Variants in NELL1 observed in about 807,000 individuals in gnomAD.
The protein encoded by NELL1 is neural EGFL like 1.
NELL1 carries 76 observed loss-of-function variants against 107.4 expected under a neutral mutation model. The observed-to-expected ratio is 0.71, with a 90% CI of 0.59 to 0.86. The LOEUF (loss-of-function observed/expected upper bound fraction) is 0.86, where lower values mean the gene tolerates loss of function less well. NELL1 is among the 40% of genes least tolerant of loss of function. NELL1 has a pLI of 0.00. For synonymous variants in NELL1, 353 were observed against 341.2 expected, an observed-to-expected ratio of 1.03 and a Z score of -0.38; for missense variants, 1,024 against 1,005.5, an observed-to-expected ratio of 1.02 and a Z score of -0.25.
At chr11:20,779,726 G>A (rs563984285) in intron 2 of NELL1, among the ~76,000 whole-genome samples, 24 of 152,326 alleles carry the variant, frequency 1.6e-4, no homozygotes, top group African/African-American at 5.8e-4. Context: ...TTAATAGATG[G>A]AATTTGCTCT....
At chr11:20,968,865 C>T (rs953727550) in intron 12 of NELL1, among the ~76,000 whole-genome samples, 2 of 151,988 alleles carry the variant, frequency 1.3e-5, no homozygotes, top group Admixed American at 1.3e-4. Context: ...TTTTTATGGG[C>T]CAGGGCTGTT....
chr11:20,874,863 TGG>T, intron 4 of NELL1, among the ~76,000 whole-genome samples: 1 of 152,384 alleles, frequency 6.6e-6, no homozygotes, highest in South Asian at 2.1e-4. Context: ...TTCTACACGA[TGG>T]TCTTCCAAAT....
rs77433949 is a variant in NELL1 at position 21,546,149 on chromosome 11, G to A, written c.1786+11635G>A. Among the ~76,000 whole-genome samples, 507 of 151,996 alleles carry A rather than the reference G, an allele frequency of 3.3e-3. 9 individuals are homozygous for A. Among genetic ancestry groups the A allele is most frequent in the African/African-American group, 0.012 (480 of 41,500 alleles). ...AACCACTGTTGAAATACCAGGATCCGGCCTCAATGTTTCCAGTTACCACTC... is the reference window on the plus strand; with the variant it reads ...AACCACTGTTGAAATACCAGGATCCAGCCTCAATGTTTCCAGTTACCACTC... On this transcript the variant is annotated intron_variant, in intron 16 of 19. Transcript: ENST00000357134.
At chr11:20,783,898 T>G in intron 3 of NELL1, 68 bp downstream of exon 3, 1 of 1,436,330 alleles carries the variant, frequency 7.0e-7, no homozygotes, top group Non-Finnish European at 9.3e-7. Flanking sequence ...TGTCTTGGGA[T>G]TTAGAGTTTG....
chr11:20,829,853 G>A (rs1485781264), intron 3 of NELL1, among the ~76,000 whole-genome samples: 1 of 152,070 alleles, frequency 6.6e-6, no homozygotes, highest in Non-Finnish European at 1.5e-5. Flanking sequence ...TCACGTGAAA[G>A]GATTCCTTAT....
chr11:21,058,932 C>T (rs574875001), intron 12 of NELL1, among the ~76,000 whole-genome samples: 3 of 152,210 alleles, frequency 2.0e-5, no homozygotes, highest in African/African-American at 7.2e-5. Flanking sequence ...GGATGAGATT[C>T]ATGATTTCTG....
chr11:21,287,730 CT>C (rs1849156790), intron 14 of NELL1, among the ~76,000 whole-genome samples: 1 of 152,000 alleles, frequency 6.6e-6, no homozygotes, highest in African/African-American at 2.4e-5. Context: ...GGAGTCTTAT[CT>C]TTTTACCCCT....
chr11:21,526,861 G>A (rs866760967), intron 15 of NELL1, among the ~76,000 whole-genome samples: 1 of 152,200 alleles, frequency 6.6e-6, no homozygotes, highest in African/African-American at 2.4e-5. Context: ...TCCCTCCTAG[G>A]CCTCCAGGCC....
At chr11:21,199,040 G>T (rs1857210653) in intron 13 of NELL1, among the ~76,000 whole-genome samples, 1 of 152,110 alleles carries the variant, frequency 6.6e-6, no homozygotes, top group Non-Finnish European at 1.5e-5. Context: ...CATGGTTAAA[G>T]TCAGTTTTGT....
At chr11:21,420,491 G>C (rs1454955653) in intron 15 of NELL1, among the ~76,000 whole-genome samples, 1 of 152,096 alleles carries the variant, frequency 6.6e-6, no homozygotes, top group East Asian at 1.9e-4. Flanking sequence ...GTAGATTAGA[G>C]AAAAATAAAA....
intron 14 of NELL1, among the ~76,000 whole-genome samples, chr11:21,363,018 G>A (rs184832977): frequency 7.1e-4 from 108 of 151,786 alleles, no homozygotes; most frequent in Non-Finnish European, 1.4e-3. Flanking sequence ...TCTCACTCCC[G>A]CAGTGCTCTG....
Position 21,262,568 on chromosome 11 carries a change from AT to A in NELL1, c.1549+33116del, listed in dbSNP as rs576241096. The A allele has an allele frequency of 1.3e-4, 20 of 152,034 alleles. No homozygotes were observed. The East Asian group carries it at 3.5e-3, about 27-fold the overall frequency. The allele number at this position is 152,034 out of a possible 1,614,324, so 9.4% of individuals were successfully genotyped here. A position where few individuals can be genotyped will look rare whatever the true frequency, so the allele number is the denominator to read the frequency against. ...CTCTTGACTGGCAATTTGAAAAGGT[AT>A]TGTATTTCTGTTTGTAAATCATTGT... On this transcript the variant is annotated intron_variant, in intron 14 of 19. Coordinates refer to ENST00000357134, the MANE Select transcript of NELL1 (RefSeq NM_006157.5).
rs936930651 is a variant in NELL1 at position 20,789,316 on chromosome 11, T to C, written c.335+5486T>C. ...CCCCTGCACATTCAGATACACCGGC[T>C]GCTGCCACGGGGTGGGCAGCTCCAG... is the stretch of plus-strand genomic sequence containing the variant. On this transcript the variant is annotated intron_variant, in intron 3 of 19. Transcript: ENST00000357134. Among the ~76,000 whole-genome samples, 3 of 152,238 alleles carry C rather than the reference T, an allele frequency of 2.0e-5. No individual in the cohort carries two copies. The East Asian group carries it at 5.8e-4, about 29-fold the overall frequency.
chr11:21,017,588 A>T (rs1435948820), intron 12 of NELL1, among the ~76,000 whole-genome samples: 1 of 152,050 alleles, frequency 6.6e-6, no homozygotes, highest in Non-Finnish European at 1.5e-5. Flanking sequence ...GGCTTCAGAG[A>T]ATTAACTGAA....
chr11:20,992,802 C>A (rs563808857), intron 12 of NELL1, among the ~76,000 whole-genome samples: 46 of 150,426 alleles, frequency 3.1e-4, no homozygotes, highest in African/African-American at 1.1e-3. Flanking sequence ...GCAACCTCCA[C>A]CTCCTGGGTT....
chr11:21,413,092 C>G (rs1852420027), intron 15 of NELL1, among the ~76,000 whole-genome samples: 1 of 152,054 alleles, frequency 6.6e-6, no homozygotes, highest in South Asian at 2.1e-4. Flanking sequence ...CTTTATTAAA[C>G]AACAACAACA....
At chr11:21,087,223 A>G (rs1402844046) in intron 12 of NELL1, among the ~76,000 whole-genome samples, 1 of 152,156 alleles carries the variant, frequency 6.6e-6, no homozygotes, top group Non-Finnish European at 1.5e-5. Context: ...TTTCATTGTC[A>G]AGAGCAAAAC....
chr11:20,976,503 T>A (rs1851638809), intron 12 of NELL1, among the ~76,000 whole-genome samples: 1 of 152,172 alleles, frequency 6.6e-6, no homozygotes. Context: ...TACTTACATT[T>A]CTTAAAGTTT....
intron 13 of NELL1, among the ~76,000 whole-genome samples, chr11:21,215,703 G>A (rs184928293): frequency 1.3e-5 from 2 of 152,272 alleles, no homozygotes; most frequent in Non-Finnish European, 2.9e-5. Context: ...GCAGCATTTT[G>A]CCTCTGCCCT....
Sources: allele counts gnomAD v4.1 joint callset (sites outside exome capture counted in the v4.1 genomes callset), GRCh38; gene constraint gnomAD v4.1.1; transcripts MANE v1.5; gene names NCBI Gene and HGNC (gene_info 2026-07-23, HGNC 2026-07-21).